SMCHD1: variants seen among roughly 807,000 people sequenced by gnomAD.
The protein encoded by SMCHD1 is structural maintenance of chromosomes flexible hinge domain containing 1, also known as structural maintenance of chromosomes flexible hinge domain-containing protein 1.
Under a neutral mutation model 254.7 loss-of-function variants are expected in SMCHD1, and 78 were observed. The ratio of observed to expected loss-of-function variants is 0.31; its 90% CI spans 0.26 to 0.37. SMCHD1 has a LOEUF of 0.37. Ranked by LOEUF, SMCHD1 falls within the 10% of genes least tolerant of loss-of-function variation. The pLI, the probability that SMCHD1 is intolerant of heterozygous loss-of-function variation, is 1.00. For synonymous variants in SMCHD1, 766 were observed against 794.9 expected, an observed-to-expected ratio of 0.96 and a Z score of 0.61; for missense variants, 1,840 against 2,408.1, an observed-to-expected ratio of 0.76 and a Z score of 4.94.
At chr18:2,768,848 G>A (rs1266426033) in intron 37 of SMCHD1, among the ~76,000 whole-genome samples, 2 of 151,008 alleles carry the variant, frequency 1.3e-5, no homozygotes, top group Non-Finnish European at 3.0e-5. Flanking sequence ...TTGCATTTAT[G>A]TAAGTCTGTT....
At chr18:2,767,360 T>C (rs1397699139) in intron 37 of SMCHD1, among the ~76,000 whole-genome samples, 7 of 151,924 alleles carry the variant, frequency 4.6e-5, no homozygotes, top group Non-Finnish European at 8.8e-5. Context: ...GATAATCAGG[T>C]TTATTATCTG....
At chr18:2,773,428 T>A (rs569452902) in intron 41 of SMCHD1, among the ~76,000 whole-genome samples, 1 of 152,308 alleles carries the variant, frequency 6.6e-6, no homozygotes, top group East Asian at 1.9e-4. Flanking sequence ...TTTTAAAGTC[T>A]CCTTTTTAAA....
At chr18:2,777,698 T>C (rs1037709424) in intron 42 of SMCHD1, 108 bp from the exon 43 acceptor site, 5 of 583,184 alleles carry the variant, frequency 8.6e-6, no homozygotes, top group Middle Eastern at 4.8e-4. Context: ...TGGGAATTGA[T>C]TGTATGATCA....
chr18:2,684,074 AC>A (rs1396996350), intron 5 of SMCHD1, among the ~76,000 whole-genome samples: 6 of 152,232 alleles, frequency 3.9e-5, no homozygotes, highest in Non-Finnish European at 8.8e-5. Context: ...CTCAACTTGT[AC>A]TTAAATTTTT....
chr18:2,728,655 T>G, intron 23 of SMCHD1, 59 bp downstream of exon 23: 1 of 1,540,944 alleles, frequency 6.5e-7, no homozygotes, highest in Non-Finnish European at 8.8e-7. Context: ...CAATGACTAT[T>G]TTAGCCACTT....
At chr18:2,750,162 A>AT (rs1250851382) in intron 31 of SMCHD1, 40 bp downstream of exon 31, 14 of 1,543,136 alleles carry the variant, frequency 9.1e-6, no homozygotes, top group African/African-American at 1.4e-5. Context: ...TGTTATAGAG[A>AT]TTCGTTTTTC....
intron 17 of SMCHD1, among the ~76,000 whole-genome samples, chr18:2,711,608 A>G (rs920539968): frequency 1.5e-4 from 22 of 144,256 alleles, no homozygotes; most frequent in Non-Finnish European, 3.0e-4. Flanking sequence ...TCAGCCTCCC[A>G]AGTAGCTGGG....
At chr18:2,731,970 C>T (rs1398490559) in intron 24 of SMCHD1, among the ~76,000 whole-genome samples, 1 of 152,152 alleles carries the variant, frequency 6.6e-6, no homozygotes, top group Non-Finnish European at 1.5e-5. Flanking sequence ...AAGATCATGC[C>T]ACTGCCCTCC....
At chr18:2,747,677 T>C in intron 30 of SMCHD1, 30 bp downstream of exon 30, 1 of 1,480,422 alleles carries the variant, frequency 6.8e-7, no homozygotes, top group Non-Finnish European at 9.1e-7. Flanking sequence ...ACATCTTCAT[T>C]TAAAATTCTG....
chr18:2,743,384 T>C (rs1007966036), intron 28 of SMCHD1, among the ~76,000 whole-genome samples: 1 of 145,488 alleles, frequency 6.9e-6, no homozygotes, highest in Admixed American at 7.1e-5. Context: ...TAAGGTATCA[T>C]GTACAAAAAT....
chr18:2,802,388 A>T, intron 47 of SMCHD1, 140 bp from the exon 48 acceptor site: 1 of 641,270 alleles, frequency 1.6e-6, no homozygotes. Context: ...ATAAGGATTT[A>T]ATTAAATCTG....
intron 47 of SMCHD1, 41 bp from the exon 48 acceptor site, chr18:2,802,487 C>T: frequency 6.6e-7 from 1 of 1,520,270 alleles, no homozygotes; most frequent in South Asian, 1.2e-5. Context: ...GAAAGGAAAC[C>T]TTTGGTACAT....
rs368367743 is a variant in SMCHD1, at chr18:2,771,572, G to A, written c.5006G>A (p.Arg1669Gln). ...GCAAGATTAAAAGAGGCCCAATTGC[G>A]AAATGAACTAAAAATACATAATATT... ...EEARLKEAQL[R>Q]NELKIHNIDI... Residue 1669 changes from arginine (R) to glutamine (Q), a missense_variant, in exon 40 of 48, where the codon CGA becomes CAA. By Grantham distance (43) the Arg-to-Gln change is conservative. Coordinates refer to ENST00000320876, the MANE Select transcript of SMCHD1 (RefSeq NM_015295.3). The A allele has an allele frequency of 9.5e-5, 148 of 1,565,644 alleles. No individual in the cohort carries two copies. The African/African-American group carries it at 1.3e-3, about 14-fold the overall frequency.
chr18:2,674,212 A>G (rs1288684017), intron 5 of SMCHD1, 67 bp downstream of exon 5: 3 of 1,283,082 alleles, frequency 2.3e-6, no homozygotes, highest in African/African-American at 1.5e-5. Context: ...AAAAACTGGT[A>G]TGCCTTTGGA....
In SMCHD1 at chr18:2,772,277, A is replaced by C; in HGVS notation, c.5080A>C (p.Arg1694=). ...QVPHIEALLK[R]KLSEQEELKK... The stretch of plus-strand genomic sequence containing the variant: ...GCCACACATTGAAGCACTTCTGAAA[A>C]GAAAGCTATCAGAACAAGAAGAACT... Residue 1694 remains arginine, a synonymous_variant, in exon 41 of 48, where the codon AGA becomes CGA. Transcript: ENST00000320876. The C allele has an allele frequency of 4.4e-6, 7 of 1,604,186 alleles. No individual in the cohort carries two copies. Among genetic ancestry groups the C allele is most frequent in the Non-Finnish European group, 5.9e-6 (7 of 1,176,618 alleles).
Position 2,694,711 on chromosome 18 carries a change from G to A in SMCHD1, c.1040+18G>A, listed in dbSNP as rs766745695. ...CAGTTAGCGTAAGTAATTATATTTG[G>A]CTTAGGAAATGTTGCTACTTAACTT... On this transcript the variant is annotated intron_variant, in intron 8 of 47. Coordinates refer to ENST00000320876, the MANE Select transcript of SMCHD1 (RefSeq NM_015295.3). The A allele has an allele frequency of 1.2e-6, 2 of 1,603,216 alleles. No individual in the cohort carries two copies. Among genetic ancestry groups the A allele is most frequent in the Admixed American group, 3.5e-5 (2 of 56,632 alleles).
chr18:2,753,798 C>G (rs2075620203), intron 34 of SMCHD1, among the ~76,000 whole-genome samples: 2 of 152,150 alleles, frequency 1.3e-5, no homozygotes, highest in Admixed American at 6.5e-5. Context: ...TCAAAGCCAT[C>G]TGCCCACCTC....
chr18:2,745,189 A>ATTTTAAAAAATTAAAAAATTTG (rs1292176066), intron 29 of SMCHD1, among the ~76,000 whole-genome samples: 1 of 152,164 alleles, frequency 6.6e-6, no homozygotes, highest in Non-Finnish European at 1.5e-5. Flanking sequence ...AACAAGTTTT[A>ATTTTAAAAAATTAAAAAATTTG]TTTATTTTTA....
intron 5 of SMCHD1, among the ~76,000 whole-genome samples, chr18:2,683,263 A>T (rs1041999439): frequency 2.0e-5 from 3 of 152,058 alleles, no homozygotes; most frequent in Non-Finnish European, 2.9e-5. Flanking sequence ...TAGCTCATAG[A>T]CTTTGGTTAA....
Sources: gnomAD v4.1 joint callset for allele counts (sites outside exome capture counted in the v4.1 genomes callset) on GRCh38, gnomAD v4.1.1 for gene constraint, MANE v1.5 for transcripts, NCBI Gene and HGNC (gene_info 2026-07-23, HGNC 2026-07-21) for gene names.